The following ADAMTSL3 variants were observed in gnomAD, a reference collection of about 807,000 sequenced individuals.
ADAMTSL3 encodes ADAMTS-like protein 3.
ADAMTSL3 carries 128 observed loss-of-function variants against 201.7 expected under a neutral mutation model. That is an observed-to-expected ratio of 0.63 (90% CI 0.55 to 0.73). The LOEUF is 0.73. ADAMTSL3 is among the 30% of genes least tolerant of loss of function. The pLI is 0.00. For synonymous variants in ADAMTSL3, 738 were observed against 748.4 expected, an observed-to-expected ratio of 0.99 and a Z score of 0.23; for missense variants, 1,990 against 2,119.6, an observed-to-expected ratio of 0.94 and a Z score of 1.20.
chr15:83,737,487 T>C (rs1751941217), intron 3 of ADAMTSL3, among the ~76,000 whole-genome samples: 1 of 152,182 alleles, frequency 6.6e-6, no homozygotes, highest in Non-Finnish European at 1.5e-5. Flanking sequence ...TTGTTCACTC[T>C]TCTCTCTTGC....
intron 12 of ADAMTSL3, 109 bp downstream of exon 12, chr15:83,891,488 A>G: frequency 1.1e-6 from 1 of 926,748 alleles, no homozygotes; most frequent in South Asian, 1.4e-5. Flanking sequence ...TAAATACTTT[A>G]TAGAGCTAAG....
At chr15:83,872,627 C>CAGAG (rs111564921) in intron 9 of ADAMTSL3, among the ~76,000 whole-genome samples, 32 of 141,016 alleles carry the variant, frequency 2.3e-4, no homozygotes, top group East Asian at 8.4e-4. Flanking sequence ...CACACACACA[C>CAGAG]AGAGTTTTTG....
At chr15:83,785,967 C>A (rs1425385489) in intron 4 of ADAMTSL3, among the ~76,000 whole-genome samples, 1 of 152,014 alleles carries the variant, frequency 6.6e-6, no homozygotes, top group Non-Finnish European at 1.5e-5. Context: ...CCTCAGCCTC[C>A]CACGTAACTG....
At chr15:83,859,703 A>AC (rs2064816336) in intron 8 of ADAMTSL3, among the ~76,000 whole-genome samples, 1 of 152,030 alleles carries the variant, frequency 6.6e-6, no homozygotes, top group Non-Finnish European at 1.5e-5. Flanking sequence ...CCTGTTGGGT[A>AC]CCCCCAACTA....
chr15:83,856,386 C>T lies in ADAMTSL3; in HGVS notation c.728-2380C>T, dbSNP rs7176206. Among the ~76,000 whole-genome samples the T allele has an allele frequency of 7.5e-3, 1,132 of 151,830 alleles. 11 individuals carry two copies. The highest frequency in any genetic ancestry group is 0.026 in the African/African-American group (1,058 of 41,406). ...GTGACCAGGTTTCCCTATGTTGCCC[C>T]GACTGGTCTCGAACTCCTGGGCTCA... On this transcript the variant is annotated intron_variant, in intron 7 of 29. Coordinates refer to ENST00000286744, the MANE Select transcript of ADAMTSL3 (RefSeq NM_207517.3).
At chr15:83,963,518 T>C (rs1224130018) in intron 19 of ADAMTSL3, among the ~76,000 whole-genome samples, 1 of 152,146 alleles carries the variant, frequency 6.6e-6, no homozygotes, top group African/African-American at 2.4e-5. Flanking sequence ...CAGGGTCTTA[T>C]AGATAAAACT....
chr15:83,774,426 C>A (rs2063037832), intron 4 of ADAMTSL3, among the ~76,000 whole-genome samples: 1 of 152,180 alleles, frequency 6.6e-6, no homozygotes, highest in African/African-American at 2.4e-5. Context: ...TTGTTGAGGT[C>A]ACTGTTCTAC....
At chr15:84,026,733 C>T (rs546661148) in intron 27 of ADAMTSL3, among the ~76,000 whole-genome samples, 3 of 151,818 alleles carry the variant, frequency 2.0e-5, no homozygotes, top group African/African-American at 7.2e-5. Context: ...GGACAACTTC[C>T]AAAAAAGGAA....
chr15:83,836,406 TC>T (rs2064269651), intron 6 of ADAMTSL3, among the ~76,000 whole-genome samples: 1 of 152,364 alleles, frequency 6.6e-6, no homozygotes, highest in South Asian at 2.1e-4. Context: ...CATAAGCTAT[TC>T]TCTAAACTTC....
intron 2 of ADAMTSL3, among the ~76,000 whole-genome samples, chr15:83,666,390 A>G (rs2061248278): frequency 6.6e-6 from 1 of 152,194 alleles, no homozygotes; most frequent in Admixed American, 6.5e-5. Context: ...TATACTACAG[A>G]TTGTCTTTTA....
At chr15:83,765,672 C>A (rs1008483967) in intron 3 of ADAMTSL3, among the ~76,000 whole-genome samples, 1 of 152,094 alleles carries the variant, frequency 6.6e-6, no homozygotes. Context: ...CTTTTACCAA[C>A]CCTATTATAT....
intron 2 of ADAMTSL3, chr15:83,694,206 C>T (rs919028451): frequency 6.6e-6 from 1 of 152,220 alleles, no homozygotes. Flanking sequence ...CGCACTTTTT[C>T]TGGTAGCTCT....
chr15:83,789,287 C>A (rs2063309151), intron 4 of ADAMTSL3, among the ~76,000 whole-genome samples: 1 of 151,676 alleles, frequency 6.6e-6, no homozygotes, highest in East Asian at 1.9e-4. Flanking sequence ...ATTTTTTGTT[C>A]CTTGAATTTT....
intron 8 of ADAMTSL3, among the ~76,000 whole-genome samples, chr15:83,866,086 G>A (rs538123618): frequency 3.7e-4 from 57 of 152,280 alleles, no homozygotes; most frequent in African/African-American, 1.3e-3. Context: ...TTAGAATGGT[G>A]ATCATTAAAA....
intron 16 of ADAMTSL3, among the ~76,000 whole-genome samples, chr15:83,922,949 T>G (rs1224388217): frequency 6.6e-6 from 1 of 152,220 alleles, no homozygotes; most frequent in African/African-American, 2.4e-5. Flanking sequence ...TAATCAAAAG[T>G]TTGATTTACA....
At chr15:83,880,897 T>A (rs565526448) in intron 9 of ADAMTSL3, among the ~76,000 whole-genome samples, 1 of 148,822 alleles carries the variant, frequency 6.7e-6, no homozygotes, top group South Asian at 2.2e-4. Context: ...CCTGTCATTA[T>A]GTTTATAATA....
chr15:83,662,395 G>A (rs970698710), intron 2 of ADAMTSL3, among the ~76,000 whole-genome samples: 3 of 141,856 alleles, frequency 2.1e-5, no homozygotes, highest in African/African-American at 7.9e-5. Context: ...GACACAGGAA[G>A]GGGAATATCA....
chr15:84,037,990 T>C lies in ADAMTSL3; in HGVS notation c.*184T>C, dbSNP rs1354306312. On this transcript the variant is annotated 3_prime_UTR_variant, in exon 30 of 30. Transcript: ENST00000286744. ...GAAATTTTCCAATGGTAGTTTTATA[T>C]TCCAATTTTTTAAAATGATGTATTC... The C allele has an allele frequency of 1.1e-5, 10 of 905,350 alleles. No individual in the cohort carries two copies. The highest frequency in any genetic ancestry group is 6.3e-6 in the Non-Finnish European group (4 of 636,652). The allele number at this position is 905,350 out of a possible 1,614,324, so 56.1% of individuals were successfully genotyped here.
chr15:83,821,387 C>T (rs1352958051), intron 6 of ADAMTSL3, among the ~76,000 whole-genome samples: 4 of 150,586 alleles, frequency 2.7e-5, no homozygotes, highest in African/African-American at 4.9e-5. Context: ...GAGGACCCTG[C>T]GGCCTTCCGC....
Sources: gnomAD v4.1 joint callset for allele counts (sites outside exome capture counted in the v4.1 genomes callset) on GRCh38, gnomAD v4.1.1 for gene constraint, MANE v1.5 for transcripts, NCBI Gene and HGNC (gene_info 2026-07-23, HGNC 2026-07-21) for gene names.